The following HIVEP3 variants were observed in gnomAD, a reference collection of about 807,000 sequenced individuals.
The protein encoded by HIVEP3 is HIVEP zinc finger 3.
A neutral mutation model predicts 152.8 loss-of-function variants in HIVEP3; 49 were observed. The observed-to-expected ratio is 0.32, with a 90% CI of 0.26 to 0.41. The LOEUF is 0.41. Ranked by LOEUF, HIVEP3 falls within the 10% of genes least tolerant of loss-of-function variation. The pLI is 1.00. For missense variants in HIVEP3, 2,790 were observed against 3,103.3 expected, an observed-to-expected ratio of 0.90 and a Z score of 2.40; for synonymous variants, 1,269 against 1,289.0, an observed-to-expected ratio of 0.98 and a Z score of 0.33.
chr1:41,952,178 A>C (rs562899196), intron 1 of HIVEP3, among the ~76,000 whole-genome samples: 49 of 152,280 alleles, frequency 3.2e-4, no homozygotes, highest in Admixed American at 6.5e-4. Flanking sequence ...AGAGAGTTAA[A>C]TTTATTTTAT....
chr1:41,896,786 G>A (rs189527085), intron 1 of HIVEP3, among the ~76,000 whole-genome samples: 24 of 152,162 alleles, frequency 1.6e-4, no homozygotes, highest in South Asian at 6.2e-4. Context: ...ATGGTAGCCA[G>A]GATAGTCTCA....
intron 1 of HIVEP3, among the ~76,000 whole-genome samples, chr1:41,929,480 C>A (rs1644984782): frequency 6.6e-6 from 1 of 151,682 alleles, no homozygotes; most frequent in Non-Finnish European, 1.5e-5. Context: ...TTTGCCTACC[C>A]AGTCCTGGAG....
At chr1:41,775,464 G>A (rs992341493) in intron 1 of HIVEP3, among the ~76,000 whole-genome samples, 4 of 152,060 alleles carry the variant, frequency 2.6e-5, no homozygotes, top group African/African-American at 9.7e-5. Flanking sequence ...GATGGAAGGA[G>A]TGTTTTTTGT....
At chr1:41,692,795 G>T (rs1646216893) in intron 2 of HIVEP3, among the ~76,000 whole-genome samples, 1 of 152,136 alleles carries the variant, frequency 6.6e-6, no homozygotes. Context: ...ATAAATACAG[G>T]TCCTCAGATG....
At chr1:41,982,534 G>A (rs1328237207) in intron 1 of HIVEP3, among the ~76,000 whole-genome samples, 1 of 152,016 alleles carries the variant, frequency 6.6e-6, no homozygotes, top group Non-Finnish European at 1.5e-5. Flanking sequence ...GTTTTATCTT[G>A]TATGACCTAC....
chr1:41,523,726 G>A (rs939390639), intron 6 of HIVEP3, among the ~76,000 whole-genome samples: 1 of 152,218 alleles, frequency 6.6e-6, no homozygotes, highest in African/African-American at 2.4e-5. Flanking sequence ...AGGTGGCACA[G>A]CTGAAGGATG....
At chr1:41,891,985 A>T (rs1021280670) in intron 1 of HIVEP3, among the ~76,000 whole-genome samples, 2 of 152,152 alleles carry the variant, frequency 1.3e-5, no homozygotes, top group African/African-American at 4.8e-5. Flanking sequence ...AGATATCAAC[A>T]CTCATTTAGT....
At chr1:41,628,710 G>A (rs1332316062) in intron 3 of HIVEP3, 39 bp downstream of exon 3, 15 of 1,215,554 alleles carry the variant, frequency 1.2e-5, no homozygotes, top group South Asian at 4.2e-5. Context: ...CCAACATGGC[G>A]CCTGGCAAGC....
At chr1:41,616,328 T>C (rs1391808076) in intron 3 of HIVEP3, among the ~76,000 whole-genome samples, 1 of 152,196 alleles carries the variant, frequency 6.6e-6, no homozygotes, top group Non-Finnish European at 1.5e-5. Flanking sequence ...AACATCTTTG[T>C]TCCCCACCTG....
At chr1:42,032,485 C>G (rs2124541626) in intron 1 of HIVEP3, among the ~76,000 whole-genome samples, 1 of 152,324 alleles carries the variant, frequency 6.6e-6, no homozygotes, top group South Asian at 2.1e-4. Flanking sequence ...ATGGTACACT[C>G]TCTTCTTAAG....
intron 5 of HIVEP3, among the ~76,000 whole-genome samples, chr1:41,537,550 G>A (rs891367788): frequency 2.0e-5 from 3 of 152,202 alleles, no homozygotes; most frequent in East Asian, 3.9e-4. Flanking sequence ...GCTGCTCTTC[G>A]AGTGAAACTC....
chr1:41,644,484 C>A (rs780821958), intron 2 of HIVEP3, among the ~76,000 whole-genome samples: 2 of 152,154 alleles, frequency 1.3e-5, no homozygotes, highest in African/African-American at 2.4e-5. Flanking sequence ...AGGTTGATTT[C>A]TTTACCAGCC....
At chr1:41,855,404 G>A (rs1184281274) in intron 1 of HIVEP3, among the ~76,000 whole-genome samples, 2 of 152,074 alleles carry the variant, frequency 1.3e-5, no homozygotes, top group African/African-American at 4.8e-5. Flanking sequence ...TACCATCAGA[G>A]TGAACAGGCA....
intron 3 of HIVEP3, among the ~76,000 whole-genome samples, chr1:41,591,119 A>G (rs1644581624): frequency 6.6e-6 from 1 of 152,216 alleles, no homozygotes; most frequent in Non-Finnish European, 1.5e-5. Flanking sequence ...AGGGGCTGTC[A>G]TGGCTGTGTG....
chr1:41,736,565 T>G (rs1219087050), intron 1 of HIVEP3, among the ~76,000 whole-genome samples: 1 of 152,176 alleles, frequency 6.6e-6, no homozygotes, highest in Non-Finnish European at 1.5e-5. Context: ...TCTTGTCTGT[T>G]AACTGAGAGG....
At chr1:41,624,830 T>C (rs571358118) in intron 3 of HIVEP3, among the ~76,000 whole-genome samples, 8 of 152,188 alleles carry the variant, frequency 5.3e-5, no homozygotes, top group Non-Finnish European at 1.0e-4. Flanking sequence ...AGGCAAGCTG[T>C]TAACAATCTG....
At chr1:41,654,823 AAC>A (rs1489699847) in intron 2 of HIVEP3, among the ~76,000 whole-genome samples, 5 of 152,164 alleles carry the variant, frequency 3.3e-5, no homozygotes, top group East Asian at 1.9e-4. Context: ...TGCAGGGAGA[AAC>A]ACAGTGTCCA....
intron 1 of HIVEP3, among the ~76,000 whole-genome samples, chr1:41,744,480 T>C (rs185975593): frequency 6.6e-6 from 1 of 152,354 alleles, no homozygotes; most frequent in Admixed American, 6.5e-5. Context: ...GATCAGGGTG[T>C]GCTGGCCAGA....
intron 1 of HIVEP3, among the ~76,000 whole-genome samples, chr1:41,868,781 A>T (rs1440962192): frequency 3.9e-5 from 6 of 152,316 alleles, no homozygotes; most frequent in African/African-American, 1.4e-4. Context: ...TGGACATGGT[A>T]CCAAGTACAC....
Sources: gnomAD v4.1 joint callset for allele counts (sites outside exome capture counted in the v4.1 genomes callset) on GRCh38, gnomAD v4.1.1 for gene constraint, MANE v1.5 for transcripts, NCBI Gene and HGNC (gene_info 2026-07-23, HGNC 2026-07-21) for gene names.